Variants in CDC42 observed in about 807,000 individuals in gnomAD.
CDC42 encodes cell division cycle 42.
Under a neutral mutation model 20.8 loss-of-function variants are expected in CDC42, and 1 was observed. The ratio of observed to expected loss-of-function variants is 0.05; its 90% CI spans 0.02 to 0.23. CDC42 has a LOEUF of 0.23. Among genes scored for constraint, CDC42 ranks in the 10% least tolerant of loss-of-function variants. CDC42 has a pLI of 1.00. For missense variants in CDC42, 49 were observed against 227.9 expected, an observed-to-expected ratio of 0.21 and a Z score of 5.05; for synonymous variants, 72 against 84.8, an observed-to-expected ratio of 0.85 and a Z score of 0.83.
chr1:22,061,164 T>C (rs1196063387), intron 1 of CDC42, among the ~76,000 whole-genome samples: 1 of 152,144 alleles, frequency 6.6e-6, no homozygotes, highest in African/African-American at 2.4e-5. Flanking sequence ...CCCAGCACTT[T>C]GGGAGGCCAT....
chr1:22,099,833 C>T lies in CDC42; in HGVS notation c.*8316C>T, dbSNP rs1047353632. On this transcript the variant is annotated 3_prime_UTR_variant, in exon 6 of 6. Coordinates refer to ENST00000656825, the MANE Select transcript of CDC42 (RefSeq NM_001791.4). Reference sequence around the variant, plus strand: ...TTTTAAGCCTTTGTGTGAATTAACTCAGTCTTCTCAGCAATCCCCCATTTT... The same window carrying T: ...TTTTAAGCCTTTGTGTGAATTAACTTAGTCTTCTCAGCAATCCCCCATTTT... Among the ~76,000 whole-genome samples the T allele has an allele frequency of 6.6e-6, 1 of 151,484 alleles. No individual in the cohort carries two copies. The highest frequency in any genetic ancestry group is 2.4e-5 in the African/African-American group (1 of 41,156).
At chr1:22,059,874 T>C (rs568379700) in intron 1 of CDC42, among the ~76,000 whole-genome samples, 4 of 115,494 alleles carry the variant, frequency 3.5e-5, no homozygotes, top group African/African-American at 1.4e-4. Context: ...ATTGAATTTA[T>C]TTCTCTGATA....
At chr1:22,061,532 C>CTTTTT (rs555957608) in intron 1 of CDC42, among the ~76,000 whole-genome samples, 34 of 36,224 alleles carry the variant, frequency 9.4e-4, no homozygotes, top group South Asian at 3.3e-3. Flanking sequence ...ATGTTTCTTT[C>CTTTTT]TTTTTTTTTT....
intron 1 of CDC42, among the ~76,000 whole-genome samples, chr1:22,060,158 A>T (rs1645347100): frequency 6.6e-6 from 1 of 151,972 alleles, no homozygotes; most frequent in African/African-American, 2.4e-5. Flanking sequence ...CCTGGCCAAC[A>T]TGGTGAAACC....
rs780405414 is a variant in CDC42, at chr1:22,096,045, C to T, written c.*4528C>T. On this transcript the variant is annotated 3_prime_UTR_variant, in exon 6 of 6. Coordinates refer to ENST00000656825, the MANE Select transcript of CDC42 (RefSeq NM_001791.4). ...TGGCATCTCCGCTCACTGCAACCTC[C>T]ACCTCCCAGGTTCACATGATTCTCC... Among the ~76,000 whole-genome samples, 4 of 152,006 alleles carry T rather than the reference C, an allele frequency of 2.6e-5. No individual in the cohort carries two copies. The South Asian group carries it at 6.2e-4, about 24-fold the overall frequency.
At chr1:22,089,924 C>G in intron 5 of CDC42, 1 of 1,611,640 alleles carries the variant, frequency 6.2e-7, no homozygotes, top group Non-Finnish European at 8.5e-7. Flanking sequence ...TATTCTCTCT[C>G]CTCCCCTCTG....
Position 22,097,572 on chromosome 1 carries a change from A to G in CDC42, c.*6055A>G, listed in dbSNP as rs59206150. On this transcript the variant is annotated 3_prime_UTR_variant, in exon 6 of 6. Coordinates refer to ENST00000656825, the MANE Select transcript of CDC42 (RefSeq NM_001791.4). The stretch of plus-strand genomic sequence containing the variant: ...TGTGTATTCTTAAGTCCGCCTTTCA[A>G]AGTTGAGTACTGCATTCTTGCGGCT... Among the ~76,000 whole-genome samples the G allele has an allele frequency of 2.6e-3, 391 of 152,290 alleles. 5 individuals are homozygous for G. Among genetic ancestry groups the G allele is most frequent in the African/African-American group, 8.8e-3 (365 of 41,552 alleles).
intron 1 of CDC42, among the ~76,000 whole-genome samples, chr1:22,077,765 T>C (rs780979617): frequency 9.9e-5 from 15 of 152,260 alleles, no homozygotes; most frequent in Non-Finnish European, 1.8e-4. Flanking sequence ...AGGACTCTAG[T>C]AAGAGAAGCT....
At chr1:22,082,418 TAAGA>T (rs1645617424) in intron 3 of CDC42, among the ~76,000 whole-genome samples, 2 of 152,228 alleles carry the variant, frequency 1.3e-5, no homozygotes, top group Admixed American at 6.5e-5. Flanking sequence ...ATCCAAATTG[TAAGA>T]ACAAATTACT....
At chr1:22,057,192 T>C (rs1645312264) in intron 1 of CDC42, among the ~76,000 whole-genome samples, 1 of 152,166 alleles carries the variant, frequency 6.6e-6, no homozygotes, top group African/African-American at 2.4e-5. Flanking sequence ...GCTGCAGTGT[T>C]AGGAAGATTG....
At chr1:22,088,381 T>G (rs1305848988) in intron 5 of CDC42, among the ~76,000 whole-genome samples, 1 of 152,242 alleles carries the variant, frequency 6.6e-6, no homozygotes, top group Admixed American at 6.5e-5. Context: ...TAATGTAAGA[T>G]TTTTACAGTA....
chr1:22,084,151 T>C (rs1435625300), intron 3 of CDC42, among the ~76,000 whole-genome samples: 1 of 152,202 alleles, frequency 6.6e-6, no homozygotes, highest in African/African-American at 2.4e-5. Flanking sequence ...ACAGATACCT[T>C]GTTGACACCC....
At chr1:22,079,156 T>TTG (rs1645582531) in intron 2 of CDC42, among the ~76,000 whole-genome samples, 1 of 118,060 alleles carries the variant, frequency 8.5e-6, no homozygotes, top group Non-Finnish European at 1.8e-5. Context: ...TTTTTTTTTT[T>TTG]GAGATGGAGT....
intron 2 of CDC42, chr1:22,078,831 A>C (rs1645577795): frequency 1.4e-6 from 2 of 1,409,128 alleles, no homozygotes; most frequent in Non-Finnish European, 1.9e-6. Flanking sequence ...ACAAGATTCT[A>C]ACGAGTGGTG....
chr1:22,094,754 A>T lies in CDC42; in HGVS notation c.*3237A>T, dbSNP rs1047845705. On this transcript the variant is annotated 3_prime_UTR_variant, in exon 6 of 6. Coordinates refer to ENST00000656825, the MANE Select transcript of CDC42 (RefSeq NM_001791.4). ...TATTTTTCTCACATTTTCATATTGT[A>T]ATTAGGATACCTGTTAACATTGGTG... 1.3e-5 allele frequency among the ~76,000 whole-genome samples: 2 copies of T among 152,184 alleles called. No homozygotes were observed. The highest frequency in any genetic ancestry group is 4.8e-5 in the African/African-American group (2 of 41,444).
At chr1:22,060,246 G>A (rs1477109143) in intron 1 of CDC42, among the ~76,000 whole-genome samples, 1 of 152,070 alleles carries the variant, frequency 6.6e-6, no homozygotes, top group African/African-American at 2.4e-5. Context: ...GCTGAGGCAC[G>A]AGAATCGCTT....
intron 1 of CDC42, among the ~76,000 whole-genome samples, chr1:22,065,411 T>C (rs910187987): frequency 6.6e-6 from 1 of 152,220 alleles, no homozygotes; most frequent in Admixed American, 6.5e-5. Flanking sequence ...TTGATAAAAT[T>C]AGCAAATAAC....
chr1:22,054,388 G>GTATTT (rs1645272434), intron 1 of CDC42, among the ~76,000 whole-genome samples: 2 of 151,896 alleles, frequency 1.3e-5, no homozygotes, highest in Non-Finnish European at 2.9e-5. Flanking sequence ...GCTAATTTTT[G>GTATTT]TATTTTTTGT....
intron 1 of CDC42, among the ~76,000 whole-genome samples, chr1:22,064,638 C>G (rs997359121): frequency 1.3e-5 from 2 of 151,376 alleles, no homozygotes; most frequent in Admixed American, 6.6e-5. Flanking sequence ...TTGACTTTCA[C>G]TTTGATGGAG....
Sources: allele counts gnomAD v4.1 joint callset (sites outside exome capture counted in the v4.1 genomes callset), GRCh38; gene constraint gnomAD v4.1.1; transcripts MANE v1.5; gene names NCBI Gene and HGNC (gene_info 2026-07-23, HGNC 2026-07-21).